KCNAB2: variants seen among roughly 807,000 people sequenced by gnomAD.
KCNAB2 encodes the protein voltage-gated potassium channel subunit beta-2.
Under a neutral mutation model 63.6 loss-of-function variants are expected in KCNAB2, and 29 were observed. The observed-to-expected ratio is 0.46, with a 90% confidence interval of 0.34 to 0.62. The LOEUF (loss-of-function observed/expected upper bound fraction) is 0.62, where lower values mean the gene tolerates loss of function less well. KCNAB2 is among the 20% of genes least tolerant of loss of function. The pLI, the probability that KCNAB2 is intolerant of heterozygous loss-of-function variation, is 0.01. For synonymous variants in KCNAB2, 222 were observed against 224.2 expected, an observed-to-expected ratio of 0.99 and a Z score of 0.09; for missense variants, 359 against 563.9, an observed-to-expected ratio of 0.64 and a Z score of 3.68.
intron 11 of KCNAB2, 37 bp downstream of exon 11, chr1:6,094,522 A>G (rs201352427): frequency 2.6e-6 from 4 of 1,553,094 alleles, no homozygotes; most frequent in African/African-American, 1.4e-5. Context: ...GTCCAGGCAC[A>G]GACTCCCGGC....
chr1:6,021,128 G>A (rs1296676565), intron 1 of KCNAB2, among the ~76,000 whole-genome samples: 1 of 152,108 alleles, frequency 6.6e-6, no homozygotes, highest in Non-Finnish European at 1.5e-5. Context: ...AAGTAGCCTG[G>A]ACTGCAGGTG....
chr1:6,003,329 C>A lies in KCNAB2; in HGVS notation c.-53+10541C>A, dbSNP rs1208911350. Among the ~76,000 whole-genome samples, 2 of 152,194 alleles carry A rather than the reference C, an allele frequency of 1.3e-5. No homozygotes were observed. The highest frequency in any genetic ancestry group is 4.8e-5 in the African/African-American group (2 of 41,452). ...CTGCTTCCCACACACAGATCCTCCCCACCAGAGCAGGGTCATGGGGTCAGA... is the reference window on the plus strand; with the variant it reads ...CTGCTTCCCACACACAGATCCTCCCAACCAGAGCAGGGTCATGGGGTCAGA... On this transcript the variant is annotated intron_variant, in intron 1 of 16. Transcript: ENST00000341524. The surrounding 1 kb of genome is among the most constrained non-coding windows in gnomAD (Gnocchi z 4.1).
intron 1 of KCNAB2, among the ~76,000 whole-genome samples, chr1:6,039,483 A>G (rs1660322648): frequency 6.6e-6 from 1 of 152,048 alleles, no homozygotes; most frequent in South Asian, 2.1e-4. Context: ...GCAGCCAGAG[A>G]TGTGGGTGGA....
At chr1:5,998,589 A>C (rs1419679394) in intron 1 of KCNAB2, among the ~76,000 whole-genome samples, 9 of 152,158 alleles carry the variant, frequency 5.9e-5, no homozygotes, top group Non-Finnish European at 1.3e-4. Context: ...AGGTCAAGAC[A>C]GACAGTAGGG....
intron 4 of KCNAB2, among the ~76,000 whole-genome samples, chr1:6,080,942 T>C (rs1401462724): frequency 6.6e-6 from 1 of 152,178 alleles, no homozygotes; most frequent in African/African-American, 2.4e-5. Context: ...GGCTTGTTGC[T>C]GGTGAGGCCC....
chr1:6,059,527 G>T (rs1250005062), intron 2 of KCNAB2, among the ~76,000 whole-genome samples: 1 of 152,178 alleles, frequency 6.6e-6, no homozygotes. Flanking sequence ...CCCCTTCCTG[G>T]AGGTTTGGGG....
rs1664679502 is a variant in KCNAB2 at position 6,086,152 on chromosome 1, T to C, written c.425+904T>C. ...TGTTCCTTAATAAATGCGTCTTTAT[T>C]TTCAGAAACATCAGAAGCAGTTATA... On this transcript the variant is annotated intron_variant, in intron 6 of 15. Transcript: ENST00000378083. This position sits in a 1 kb window ranked among gnomAD's most constrained non-coding sequence, Gnocchi z 4.2. 1 of 985,280 alleles carries C rather than the reference T, an allele frequency of 1.0e-6. No individual in the cohort carries two copies. Among genetic ancestry groups the C allele is most frequent in the Non-Finnish European group, 1.2e-6 (1 of 829,910 alleles). 61.0% of individuals were successfully genotyped at this position (985,280 alleles called of 1,614,324 possible). A position where few individuals can be genotyped will look rare whatever the true frequency, so the allele number is the denominator to read the frequency against.
rs572546754 is a variant in KCNAB2 at position 6,100,257 on chromosome 1, C to A, written c.*1683C>A. On this transcript the variant is annotated 3_prime_UTR_variant, in exon 16 of 16. Coordinates refer to ENST00000378083, the MANE Select transcript of KCNAB2 (RefSeq NM_001199862.2). ...GGATCAGCTTCTGCTATTACCGACC[C>A]CCCTTCATGCTGCCCCTGGCGCCTA... 13 of 576,414 alleles carry A rather than the reference C, an allele frequency of 2.3e-5. No individual in the cohort carries two copies. The highest frequency in any genetic ancestry group is 2.3e-4 in the African/African-American group (12 of 53,212). The allele number at this position is 576,414 out of a possible 1,614,324, so 35.7% of individuals were successfully genotyped here. A position where few individuals can be genotyped will look rare whatever the true frequency, so the allele number is the denominator to read the frequency against.
intron 1 of KCNAB2, among the ~76,000 whole-genome samples, chr1:6,026,908 ATC>A (rs1252091785): frequency 6.6e-6 from 1 of 152,166 alleles, no homozygotes; most frequent in East Asian, 1.9e-4. Context: ...GGGGATTCCC[ATC>A]TCTGAGTGGA....
At chr1:6,080,994 G>C (rs1664161394) in intron 4 of KCNAB2, among the ~76,000 whole-genome samples, 1 of 152,208 alleles carries the variant, frequency 6.6e-6, no homozygotes. Context: ...CACTCAGAGG[G>C]AAGCAGCCCT....
At chr1:6,095,697 C>G (rs970084502) in intron 13 of KCNAB2, 73 bp downstream of exon 13, 30 of 1,405,952 alleles carry the variant, frequency 2.1e-5, no homozygotes, top group Non-Finnish European at 2.8e-5. Flanking sequence ...TTTGGGCCGA[C>G]TGCTTTGGTG....
chr1:6,041,977 G>A, upstream of KCNAB2: 1 of 1,035,304 alleles, frequency 9.7e-7, no homozygotes, highest in East Asian at 2.4e-5. Context: ...ATTCTCTGAA[G>A]CCAAAGCCCC....
At chr1:6,093,738 T>C (rs1665385969) in intron 10 of KCNAB2, among the ~76,000 whole-genome samples, 1 of 152,354 alleles carries the variant, frequency 6.6e-6, no homozygotes, top group Middle Eastern at 3.4e-3. Flanking sequence ...GGCCTGGTGC[T>C]GGGCTGGTTT....
intron 2 of KCNAB2, among the ~76,000 whole-genome samples, chr1:6,068,040 A>G (rs1662900127): frequency 1.3e-5 from 2 of 152,234 alleles, no homozygotes; most frequent in African/African-American, 4.8e-5. Context: ...CAAAAAAAAT[A>G]AAGCTAGGAG....
At position 6,089,458 on chromosome 1, in the gene KCNAB2, G is replaced by A. The variant is rs573230675; in HGVS notation, c.514+407G>A. Among the ~76,000 whole-genome samples the A allele has an allele frequency of 9.8e-5, 15 of 152,368 alleles. 1 individual carries two copies. The highest frequency in any genetic ancestry group is 2.9e-4 in the African/African-American group (12 of 41,594). On this transcript the variant is annotated intron_variant, in intron 8 of 15. Coordinates refer to ENST00000378083, the MANE Select transcript of KCNAB2 (RefSeq NM_001199862.2). ...CCACACAGCCCGGGGCTCAGCACTC[G>A]CAGGCACCGGAGCAAGGCACCGGGG...
intron 2 of KCNAB2, among the ~76,000 whole-genome samples, chr1:6,055,076 A>C (rs1400452212): frequency 6.6e-6 from 1 of 152,176 alleles, no homozygotes; most frequent in Non-Finnish European, 1.5e-5. Context: ...AGGACACCTC[A>C]TGAGGGTGTT....
intron 2 of KCNAB2, among the ~76,000 whole-genome samples, chr1:6,056,921 G>A (rs1159588475): frequency 1.3e-5 from 2 of 151,766 alleles, no homozygotes; most frequent in Non-Finnish European, 2.9e-5. Context: ...CCTCTCCTGA[G>A]TGAGTGTCTT....
chr1:6,089,993 C>T (rs942164627), intron 8 of KCNAB2, among the ~76,000 whole-genome samples: 8 of 152,380 alleles, frequency 5.3e-5, no homozygotes, highest in East Asian at 3.9e-4. Flanking sequence ...TGGGCCACCA[C>T]GCCCGACCAT....
In KCNAB2 at chr1:6,040,711, A is replaced by G. The variant is rs1448381836; in HGVS notation, c.77+66A>G. On this transcript the variant is annotated intron_variant, in intron 2 of 15. Transcript: ENST00000164247. ...AGTCCTGCTTCGAGGACGGGTTCCC[A>G]AGGCCACTGTCCTCCCCTCTGGAGG... is the stretch of plus-strand genomic sequence containing the variant. 5.1e-6 allele frequency: 5 copies of G among 989,270 alleles called. No individual in the cohort carries two copies. The South Asian group carries it at 6.6e-5, about 13-fold the overall frequency. The allele number at this position is 989,270 out of a possible 1,614,324, so 61.3% of individuals were successfully genotyped here. A position where few individuals can be genotyped will look rare whatever the true frequency, so the allele number is the denominator to read the frequency against.
Sources: allele counts gnomAD v4.1 joint callset (sites outside exome capture counted in the v4.1 genomes callset), GRCh38; gene constraint gnomAD v4.1.1; non-coding constraint Gnocchi (gnomAD v3.1); transcripts MANE v1.5; gene names NCBI Gene and HGNC (gene_info 2026-07-23, HGNC 2026-07-21).